The following APLP2 variants were observed in gnomAD, a reference collection of about 807,000 sequenced individuals.
The protein encoded by APLP2 is amyloid beta precursor like protein 2.
Under a neutral mutation model 89.9 loss-of-function variants are expected in APLP2, and 53 were observed. The ratio of observed to expected loss-of-function variants is 0.59; its 90% confidence interval spans 0.47 to 0.74. The LOEUF (loss-of-function observed/expected upper bound fraction) is 0.74. Ranked by LOEUF, APLP2 falls within the 30% of genes least tolerant of loss-of-function variation. The pLI is 0.00. For missense variants in APLP2, 973 were observed against 975.9 expected (o/e 1.00, Z 0.04); for synonymous variants, 372 against 348.6 (o/e 1.07, Z -0.75).
Position 130,123,775 on chromosome 11 carries a change from G to A in APLP2, c.1086G>A (p.Ala362=), listed in dbSNP as rs375624657. 3.1e-6 allele frequency: 5 copies of A among 1,614,016 alleles called. No individual in the cohort carries two copies. The highest frequency in any genetic ancestry group is 2.5e-6 in the Non-Finnish European group (3 of 1,179,986). Residue 362 remains alanine, a synonymous_variant, in exon 7 of 17, where the codon GCG becomes GCA. Transcript: ENST00000338167. The surrounding 1 kb of genome is among the most constrained non-coding windows in gnomAD (Gnocchi z 4.0). ...ATTATTGTATGGCTGTGTGTAAAGC[G>A]ATGAGTAAGTCCTGCCTCGCGCTGG... ...SEDYCMAVCK[A]MIPPTPLPTN...
Position 130,109,617 on chromosome 11 carries a change from A to G in APLP2, c.279+15A>G, listed in dbSNP as rs370754338. ...ACTGTCAGGAGGTAAGAGTGTTGCC[A>G]GTAAGTTGAAAGTGTTATTTTTCTG... On this transcript the variant is annotated intron_variant, in intron 2 of 16. Transcript: ENST00000338167. The G allele has an allele frequency of 4.4e-6, 7 of 1,599,572 alleles. No homozygotes were observed. The highest frequency in any genetic ancestry group is 4.0e-5 in the African/African-American group (3 of 74,102).
At chr11:130,122,258 G>T (rs1949910498) in intron 5 of APLP2, 47 bp from the exon 6 acceptor site, 1 of 1,606,308 alleles carries the variant, frequency 6.2e-7, no homozygotes, top group East Asian at 2.2e-5. Context: ...GTTGTGCTTT[G>T]CACATAGGAG....
chr11:130,073,605 G>C (rs1941551341), intron 1 of APLP2, among the ~76,000 whole-genome samples: 1 of 152,196 alleles, frequency 6.6e-6, no homozygotes, highest in Non-Finnish European at 1.5e-5. Context: ...CACTTTGGGA[G>C]GCCGAGGTGG....
intron 1 of APLP2, among the ~76,000 whole-genome samples, chr11:130,096,609 T>G (rs1946241909): frequency 6.6e-6 from 1 of 152,068 alleles, no homozygotes; most frequent in African/African-American, 2.4e-5. Flanking sequence ...TCTCAGCTCC[T>G]CAGAAGGCCA....
chr11:130,070,575 C>T, intron 1 of APLP2: 1 of 1,303,720 alleles, frequency 7.7e-7, no homozygotes, highest in Non-Finnish European at 9.7e-7. Context: ...GCCTTTGTTG[C>T]CAGGTGGACG....
rs1946801622 is a variant in APLP2 at position 130,100,764 on chromosome 11, GAAT to G, written c.106-8661_106-8659del. 2.0e-5 allele frequency among the ~76,000 whole-genome samples: 3 copies of G among 152,296 alleles called. No homozygotes were observed. The South Asian group carries it at 6.2e-4, about 32-fold the overall frequency. On this transcript the variant is annotated intron_variant, in intron 1 of 16. Transcript: ENST00000338167. The stretch of plus-strand genomic sequence containing the variant: ...TAACAGCCGGCATATGTCACTGTAA[GAAT>G]AATGTCTTTTTACACTTGGAGTTTT...
At chr11:130,092,140 C>T (rs1470817171) in intron 1 of APLP2, among the ~76,000 whole-genome samples, 2 of 134,208 alleles carry the variant, frequency 1.5e-5, no homozygotes, top group African/African-American at 3.1e-5. Flanking sequence ...GGGGCAGAGA[C>T]GCTCCTCACT....
Position 130,141,329 on chromosome 11 carries a change from G to A in APLP2, c.1924-169G>A. 1.6e-6 allele frequency: 1 copy of A among 622,534 alleles called. No homozygotes were observed. The highest frequency in any genetic ancestry group is 2.9e-6 in the Non-Finnish European group (1 of 345,328). 38.6% of individuals were successfully genotyped at this position (622,534 alleles called of 1,614,324 possible). A position where few individuals can be genotyped will look rare whatever the true frequency, so the allele number is the denominator to read the frequency against. On this transcript the variant is annotated intron_variant, in intron 14 of 16. Coordinates refer to ENST00000338167, the MANE Select transcript of APLP2 (RefSeq NM_001142276.2). This position sits in a 1 kb window ranked among gnomAD's most constrained non-coding sequence, Gnocchi z 4.2. The stretch of plus-strand genomic sequence containing the variant: ...CTCCATACCTGCCCCTTCATTAGGG[G>A]TTTGGGGAGTGGATTTGGAAGGCTG...
At chr11:130,139,045 T>A (rs904101263) in intron 13 of APLP2, 1 of 152,240 alleles carries the variant, frequency 6.6e-6, no homozygotes, top group Non-Finnish European at 1.5e-5. Flanking sequence ...GCATCCTTGC[T>A]GAGGCAATAC....
chr11:130,117,944 G>A (rs1381477039), intron 3 of APLP2, among the ~76,000 whole-genome samples: 1 of 152,074 alleles, frequency 6.6e-6, no homozygotes, highest in African/African-American at 2.4e-5. Flanking sequence ...GGGCGTGGTG[G>A]CACGTGCCTG....
rs1241776892 is a variant in APLP2, at chr11:130,144,410, GC to G, written c.*964del. The G allele has an allele frequency of 2.0e-5, 3 of 152,300 alleles. No individual in the cohort carries two copies. The highest frequency in any genetic ancestry group is 4.8e-5 in the African/African-American group (2 of 41,450). 9.4% of individuals were successfully genotyped at this position (152,300 alleles called of 1,614,324 possible). A position where few individuals can be genotyped will look rare whatever the true frequency, so the allele number is the denominator to read the frequency against. On this transcript the variant is annotated 3_prime_UTR_variant, in exon 17 of 17. Coordinates refer to ENST00000338167, the MANE Select transcript of APLP2 (RefSeq NM_001142276.2). ...CAGAGAAGACCACACCAAGGAGGCG[GC>G]CGCTGGCCCAGGAGAGAACACGGGG...
chr11:130,096,650 C>G (rs899568833), intron 1 of APLP2, among the ~76,000 whole-genome samples: 17 of 152,108 alleles, frequency 1.1e-4, no homozygotes, highest in Non-Finnish European at 1.9e-4. Context: ...CCTGGAAGTT[C>G]AAGGTTATAA....
chr11:130,129,872 C>T (rs1950744583), intron 10 of APLP2, among the ~76,000 whole-genome samples, 166 bp from the exon 11 acceptor site: 1 of 152,234 alleles, frequency 6.6e-6, no homozygotes, highest in Non-Finnish European at 1.5e-5. Flanking sequence ...TTTACCTAGA[C>T]AGTTTTTTTG....
chr11:130,093,426 A>G (rs1945721784), intron 1 of APLP2, among the ~76,000 whole-genome samples: 1 of 152,260 alleles, frequency 6.6e-6, no homozygotes, highest in Admixed American at 6.5e-5. Context: ...ATTGTTTGAA[A>G]TTTAAAGACG....
At chr11:130,082,152 CT>C (rs1040994000) in intron 1 of APLP2, among the ~76,000 whole-genome samples, 1 of 151,842 alleles carries the variant, frequency 6.6e-6, no homozygotes, top group Non-Finnish European at 1.5e-5. Flanking sequence ...TTAATTTAGC[CT>C]TTTAATTTTT....
chr11:130,076,669 C>T (rs895761172), intron 1 of APLP2, among the ~76,000 whole-genome samples: 1 of 152,166 alleles, frequency 6.6e-6, no homozygotes, highest in Non-Finnish European at 1.5e-5. Context: ...CCACCGCCTT[C>T]CTACCCTGCC....
rs1469080319 is a variant in APLP2, at chr11:130,109,749, G to A, written c.279+147G>A. On this transcript the variant is annotated intron_variant, in intron 2 of 16. Coordinates refer to ENST00000338167, the MANE Select transcript of APLP2 (RefSeq NM_001142276.2). ...AGCCCCAAGCCTTTTGTTTCTAAATGTGTGGCATGACTGAGACCTCTCAAA... is the reference window on the plus strand; with the variant it reads ...AGCCCCAAGCCTTTTGTTTCTAAATATGTGGCATGACTGAGACCTCTCAAA... The A allele has an allele frequency of 7.0e-6, 6 of 854,160 alleles. No homozygotes were observed. In the East Asian group the frequency reaches 9.0e-5, roughly 13 times the overall value. 52.9% of individuals were successfully genotyped at this position (854,160 alleles called of 1,614,324 possible).
rs1940518097 is a variant in APLP2 at position 130,069,923 on chromosome 11, G to C, written c.-55G>C. ...GCTTCTGGGTCGCGGTGTGCTAAGCGAGGAGTCCGAGTGTGTGAGCTTGAG... is the reference window on the plus strand; with the variant it reads ...GCTTCTGGGTCGCGGTGTGCTAAGCCAGGAGTCCGAGTGTGTGAGCTTGAG... On this transcript the variant is annotated 5_prime_UTR_variant, in exon 1 of 17. Coordinates refer to ENST00000338167, the MANE Select transcript of APLP2 (RefSeq NM_001142276.2). The C allele has an allele frequency of 3.0e-6, 4 of 1,332,590 alleles. No individual in the cohort carries two copies. Among genetic ancestry groups the C allele is most frequent in the Non-Finnish European group, 4.1e-6 (4 of 982,516 alleles). The allele number at this position is 1,332,590 out of a possible 1,614,324, so 82.5% of individuals were successfully genotyped here.
chr11:130,134,555 A>G (rs1951328285), intron 12 of APLP2, among the ~76,000 whole-genome samples: 1 of 152,264 alleles, frequency 6.6e-6, no homozygotes, highest in African/African-American at 2.4e-5. Flanking sequence ...AAGCCGTTAG[A>G]GGATTTTCAG....
Sources: gnomAD v4.1 joint callset for allele counts (sites outside exome capture counted in the v4.1 genomes callset) on GRCh38, gnomAD v4.1.1 for gene constraint, Gnocchi (gnomAD v3.1) non-coding constraint, MANE v1.5 for transcripts, NCBI Gene and HGNC (gene_info 2026-07-23, HGNC 2026-07-21) for gene names.